NRG1: variants seen among roughly 807,000 people sequenced by gnomAD.
NRG1 encodes neuregulin 1.
Under a neutral mutation model 63.8 loss-of-function variants are expected in NRG1, and 18 were observed. The observed-to-expected ratio is 0.28, with a 90% confidence interval of 0.19 to 0.42. NRG1 has a LOEUF of 0.42. Among genes scored for constraint, NRG1 ranks in the 10% least tolerant of loss-of-function variants. NRG1 has a pLI of 1.00. For synonymous variants in NRG1, 302 were observed against 301.3 expected, an observed-to-expected ratio of 1.00 and a Z score of -0.02; for missense variants, 762 against 814.7, an observed-to-expected ratio of 0.94 and a Z score of 0.79.
intron 1 of NRG1, among the ~76,000 whole-genome samples, chr8:31,996,913 C>T (rs535910328): frequency 1.3e-5 from 2 of 152,036 alleles, no homozygotes; most frequent in African/African-American, 2.4e-5. Context: ...TGCCCCATCT[C>T]TACTAAGGGG....
At chr8:32,696,931 G>C (rs1813500143) in intron 5 of NRG1, among the ~76,000 whole-genome samples, 1 of 152,026 alleles carries the variant, frequency 6.6e-6, no homozygotes, top group African/African-American at 2.4e-5. Context: ...CAAAGTGCTG[G>C]GATTACAGGC....
intron 1 of NRG1, among the ~76,000 whole-genome samples, chr8:32,169,408 G>A (rs530874843): frequency 3.1e-4 from 47 of 152,230 alleles, no homozygotes; most frequent in East Asian, 7.7e-4. Flanking sequence ...GCGATTTGTC[G>A]GAGTAGGGAC....
Position 32,443,634 on chromosome 8 carries a change from A to C in NRG1, c.38-152194A>C, listed in dbSNP as rs552247020. Among the ~76,000 whole-genome samples, 10 of 152,304 alleles carry C rather than the reference A, an allele frequency of 6.6e-5. No homozygotes were observed. The East Asian group carries it at 1.9e-3, about 29-fold the overall frequency. On this transcript the variant is annotated intron_variant, in intron 1 of 10. Coordinates refer to the NRG1 transcript ENST00000519301. ...GTACCAGAAGTGTCCGTATGAACAC[A>C]AACTCCTAGTAAGTGTTCTTAATTG...
chr8:31,978,957 A>G (rs1808635681), intron 1 of NRG1, among the ~76,000 whole-genome samples: 1 of 152,290 alleles, frequency 6.6e-6, no homozygotes, highest in Non-Finnish European at 1.5e-5. Flanking sequence ...TTTAGTAATT[A>G]ACTGTCCTTT....
At chr8:32,476,010 T>C (rs184499115) in intron 1 of NRG1, among the ~76,000 whole-genome samples, 136 of 152,088 alleles carry the variant, frequency 8.9e-4, no homozygotes, top group African/African-American at 3.2e-3. Flanking sequence ...TGCCGAAGAG[T>C]AGTAAAAATT....
intron 1 of NRG1, among the ~76,000 whole-genome samples, chr8:32,199,071 T>G (rs1014240432): frequency 6.6e-6 from 1 of 152,122 alleles, no homozygotes; most frequent in Non-Finnish European, 1.5e-5. Context: ...ATCTTTTATT[T>G]TTTTCTGGAG....
chr8:32,760,805 C>G, intron 11 of NRG1: 1 of 1,018,060 alleles, frequency 9.8e-7, no homozygotes, highest in Non-Finnish European at 1.2e-6. Context: ...AACTCTGATT[C>G]GGTGGTCGAG....
intron 1 of NRG1, among the ~76,000 whole-genome samples, chr8:32,449,852 A>C (rs1178628141): frequency 6.6e-6 from 1 of 152,206 alleles, no homozygotes; most frequent in Non-Finnish European, 1.5e-5. Flanking sequence ...CATGCCATTC[A>C]TGAAAGGGAA....
At chr8:31,694,356 G>A (rs1249887649) in intron 1 of NRG1, among the ~76,000 whole-genome samples, 1 of 152,138 alleles carries the variant, frequency 6.6e-6, no homozygotes, top group African/African-American at 2.4e-5. Context: ...TCTGTGTCTA[G>A]AGAATTGTTA....
intron 1 of NRG1, among the ~76,000 whole-genome samples, chr8:31,961,629 G>A (rs1232263038): frequency 6.6e-6 from 1 of 152,066 alleles, no homozygotes; most frequent in Non-Finnish European, 1.5e-5. Flanking sequence ...ACCAATGCTA[G>A]GCTTAATAAA....
At chr8:32,153,923 T>C (rs1837780478) in intron 1 of NRG1, among the ~76,000 whole-genome samples, 1 of 152,176 alleles carries the variant, frequency 6.6e-6, no homozygotes, top group Non-Finnish European at 1.5e-5. Flanking sequence ...ACCCTGACTA[T>C]TGAGCTTCCC....
intron 1 of NRG1, among the ~76,000 whole-genome samples, chr8:32,088,781 G>A (rs1175236308): frequency 2.6e-5 from 4 of 152,070 alleles, no homozygotes; most frequent in African/African-American, 9.7e-5. Context: ...GCGTCCAAAA[G>A]TGCTGGGATT....
At chr8:32,731,384 C>G (rs1228697688) in intron 6 of NRG1, among the ~76,000 whole-genome samples, 1 of 150,994 alleles carries the variant, frequency 6.6e-6, no homozygotes, top group African/African-American at 2.4e-5. Context: ...TCATTCTTGC[C>G]TTCTAGTTCT....
rs76365671 is a variant in NRG1 at position 32,646,885 on chromosome 8, G to C, written c.502+30000G>C. The C allele has an allele frequency of 2.4e-5, 24 of 984,958 alleles. No homozygotes were observed. The South Asian group carries it at 8.5e-4, about 35-fold the overall frequency. The allele number at this position is 984,958 out of a possible 1,614,324, so 61.0% of individuals were successfully genotyped here. On this transcript the variant is annotated intron_variant, in intron 5 of 11. Transcript: ENST00000356819. Reference sequence around the variant, plus strand: ...CTCTAGAGTGTGGGTAGAGAGCGGGGAGTGGGGGTTGGGAGAGGGGGAGGA... The same window carrying C: ...CTCTAGAGTGTGGGTAGAGAGCGGGCAGTGGGGGTTGGGAGAGGGGGAGGA...
At chr8:32,648,540 C>A (rs140819190) in intron 5 of NRG1, among the ~76,000 whole-genome samples, 1 of 152,160 alleles carries the variant, frequency 6.6e-6, no homozygotes, top group African/African-American at 2.4e-5. Flanking sequence ...CATTGAAGGG[C>A]CGAGTAAAAT....
intron 1 of NRG1, among the ~76,000 whole-genome samples, chr8:32,118,822 G>A (rs558004468): frequency 6.4e-4 from 98 of 152,114 alleles, no homozygotes; most frequent in African/African-American, 2.3e-3. Flanking sequence ...ACCGTCCTTT[G>A]AAGTGTTCCT....
chr8:32,056,891 A>T (rs1338145129), intron 1 of NRG1, among the ~76,000 whole-genome samples: 1 of 152,178 alleles, frequency 6.6e-6, no homozygotes, highest in Non-Finnish European at 1.5e-5. Context: ...TGGCAAAGAG[A>T]TAGTAAAGTT....
At chr8:32,250,337 G>T (rs1284166615) in intron 1 of NRG1, among the ~76,000 whole-genome samples, 1 of 152,030 alleles carries the variant, frequency 6.6e-6, no homozygotes, top group Non-Finnish European at 1.5e-5. Context: ...AGATCTTTTG[G>T]AAATGGCCTA....
intron 5 of NRG1, chr8:32,648,395 A>G (rs902036120): frequency 6.2e-7 from 1 of 1,607,448 alleles, no homozygotes; most frequent in Non-Finnish European, 8.5e-7. Context: ...GTAAGTAGAG[A>G]GAGAGAGAGA....
Sources: gnomAD v4.1 joint callset for allele counts (sites outside exome capture counted in the v4.1 genomes callset) on GRCh38, gnomAD v4.1.1 for gene constraint, MANE v1.5 for transcripts, NCBI Gene and HGNC (gene_info 2026-07-23, HGNC 2026-07-21) for gene names.